Variants in KIR2DL3 observed in about 807,000 individuals in gnomAD.
KIR2DL3 encodes killer cell immunoglobulin like receptor, two Ig domains and long cytoplasmic tail 3.
A neutral mutation model predicts 33.8 loss-of-function variants in KIR2DL3; 39 were observed. The ratio of observed to expected loss-of-function variants is 1.15; its 90% confidence interval spans 0.89 to 1.51. KIR2DL3 has a LOEUF of 1.51. Ranked by LOEUF, KIR2DL3 falls within the 40% of genes most tolerant of loss-of-function variation. The probability of loss-of-function intolerance (pLI) is 0.00; values close to 1 mark genes in which losing one functional copy is unlikely to be tolerated. For synonymous variants in KIR2DL3, 174 were observed against 160.2 expected, an observed-to-expected ratio of 1.09 and a Z score of -0.65; for missense variants, 462 against 426.2, an observed-to-expected ratio of 1.08 and a Z score of -0.74.
chr19:54,744,897 T>TATATATATATATATATATATAC (rs1555906428), intron 4 of KIR2DL3, among the ~76,000 whole-genome samples: 6 of 57,484 alleles, frequency 1.0e-4, no homozygotes, highest in Admixed American at 2.0e-4. Flanking sequence ...TATATATATA[T>TATATATATATATATATATATAC]ACACACACAC....
In KIR2DL3 at chr19:54,747,311, C is replaced by T. The variant is rs748068644; in HGVS notation, c.665-24C>T. ...GAGGACAGACACCCTCATTTCCTCA[C>T]CTCTCTCCTGTCTCGTGTTCTAGGA... On this transcript the variant is annotated intron_variant, in intron 4 of 7. Coordinates refer to ENST00000342376, the MANE Select transcript of KIR2DL3 (RefSeq NM_015868.3). 3.1e-6 allele frequency: 5 copies of T among 1,610,048 alleles called. No individual in the cohort carries two copies. The East Asian group carries it at 8.9e-5, about 29-fold the overall frequency.
At position 54,752,674 on chromosome 19, in the gene KIR2DL3, C is replaced by T; in HGVS notation, c.*155C>T. 9.3e-7 allele frequency: 1 copy of T among 1,079,216 alleles called. No homozygotes were observed. The highest frequency in any genetic ancestry group is 1.4e-6 in the Non-Finnish European group (1 of 737,338). The allele number at this position is 1,079,216 out of a possible 1,614,324, so 66.9% of individuals were successfully genotyped here. A position where few individuals can be genotyped will look rare whatever the true frequency, so the allele number is the denominator to read the frequency against. On this transcript the variant is annotated 3_prime_UTR_variant, in exon 8 of 8. Transcript: ENST00000342376. ...GTCTGCATCTTAGGGCATCGCTCTT[C>T]CTCACACCACAAATCTGAACGTGCC...
intron 4 of KIR2DL3, among the ~76,000 whole-genome samples, chr19:54,744,527 A>C (rs2071894488): frequency 6.7e-6 from 1 of 149,830 alleles, no homozygotes. Flanking sequence ...TACCACCTTT[A>C]ACATTTTTTT....
At position 54,742,141 on chromosome 19, in the gene KIR2DL3, G is replaced by C. The variant is rs1239158106; in HGVS notation, c.232G>C (p.Asp78His). The stretch of plus-strand genomic sequence containing the variant: ...TTTGCACCTCATTGGAGAGCACCAT[G>C]ATGGGGTCTCCAAGGCCAACTTCTC... ...DTLHLIGEHHDGVSKANFSIG... is the reference protein window; with the variant it reads ...DTLHLIGEHHHGVSKANFSIG... The change falls in exon 3 of 8, where the codon GAT (aspartate) becomes CAT (histidine). Residue 78 changes from aspartate to histidine, a missense_variant. Transcript: ENST00000342376. 1.9e-6 allele frequency: 3 copies of C among 1,614,006 alleles called. No homozygotes were observed. Among genetic ancestry groups the C allele is most frequent in the Admixed American group, 1.7e-5 (1 of 59,998 alleles).
intron 4 of KIR2DL3, among the ~76,000 whole-genome samples, chr19:54,745,166 T>G (rs887178633): frequency 1.8e-3 from 274 of 151,918 alleles, no homozygotes; most frequent in African/African-American, 6.1e-3. Flanking sequence ...ACTGTGCGTA[T>G]GTACTACATT....
At chr19:54,742,752 G>A (rs1481720742) in intron 3 of KIR2DL3, among the ~76,000 whole-genome samples, 1 of 151,212 alleles carries the variant, frequency 6.6e-6, no homozygotes, top group East Asian at 1.9e-4. Context: ...GTAATGGAGA[G>A]TAATCGTCCC....
Position 54,750,130 on chromosome 19 carries a change from A to C in KIR2DL3, c.716-1519A>C, listed in dbSNP as rs2073186428. 1.5e-5 allele frequency among the ~76,000 whole-genome samples: 2 copies of C among 133,230 alleles called. 1 individual carries two copies. Among genetic ancestry groups the C allele is most frequent in the African/African-American group, 5.7e-5 (2 of 35,112 alleles). The allele number at this position is 133,230 out of a possible 152,430, so 87.4% of individuals were successfully genotyped here. On this transcript the variant is annotated intron_variant, in intron 5 of 7. Transcript: ENST00000342376. The stretch of plus-strand genomic sequence containing the variant: ...TCCTCCAGCACAGATCGTGGAATAG[A>C]GAAAGTGCTCTGTTCATCGCAACAA...
intron 3 of KIR2DL3, among the ~76,000 whole-genome samples, chr19:54,742,833 T>C (rs687236): frequency 4.9e-5 from 7 of 143,802 alleles, no homozygotes; most frequent in East Asian, 4.2e-4. Flanking sequence ...CTGGATTCTG[T>C]GGCTCACATT....
intron 1 of KIR2DL3, among the ~76,000 whole-genome samples, 185 bp from the exon 2 acceptor site, chr19:54,739,322 A>G (rs13344443): frequency 6.9e-6 from 1 of 144,282 alleles, no homozygotes; most frequent in African/African-American, 2.5e-5. Context: ...GGGTGGGGAT[A>G]TGGGCCTGGA....
chr19:54,747,101 A>G (rs934891529), intron 4 of KIR2DL3, among the ~76,000 whole-genome samples: 4 of 144,380 alleles, frequency 2.8e-5, no homozygotes, highest in African/African-American at 5.1e-5. Flanking sequence ...TGCTTACTAC[A>G]GCTCTGTAAC....
rs761681200 is a variant in KIR2DL3 at position 54,738,598 on chromosome 19, T to A, written c.34+19T>A. The A allele has an allele frequency of 5.0e-6, 8 of 1,613,986 alleles. No individual in the cohort carries two copies. The highest frequency in any genetic ancestry group is 6.8e-6 in the Non-Finnish European group (8 of 1,179,984). ...TGTGTTGGTGAGTCCTGGAAGGGCATCGAGGGAGGGAGTGCGGGGATGGAG... is the reference window on the plus strand; with the variant it reads ...TGTGTTGGTGAGTCCTGGAAGGGCAACGAGGGAGGGAGTGCGGGGATGGAG... On this transcript the variant is annotated intron_variant, in intron 1 of 7. Transcript: ENST00000342376.
At chr19:54,746,929 C>A (rs1192219505) in intron 4 of KIR2DL3, among the ~76,000 whole-genome samples, 1 of 147,700 alleles carries the variant, frequency 6.8e-6, no homozygotes, top group East Asian at 1.9e-4. Context: ...TGGCAGTGAA[C>A]CGAGATTGCA....
At chr19:54,751,443 A>G (rs1437555674) in intron 5 of KIR2DL3, among the ~76,000 whole-genome samples, 2 of 133,280 alleles carry the variant, frequency 1.5e-5, no homozygotes, top group Non-Finnish European at 3.3e-5. Flanking sequence ...AAACATCTCA[A>G]CTAAAGTAGT....
At chr19:54,744,948 ATATATATTTTTTTTTTTT>A (rs2072168753) in intron 4 of KIR2DL3, among the ~76,000 whole-genome samples, 2 of 26,238 alleles carry the variant, frequency 7.6e-5, no homozygotes, top group African/African-American at 2.6e-4. Context: ...ATATATATAT[ATATATATTTTTTTTTTTT>A]TTTTTTTTTT....
At chr19:54,749,358 T>G (rs1209736446) in intron 5 of KIR2DL3, among the ~76,000 whole-genome samples, 3,503 of 140,736 alleles carry the variant, frequency 0.025, 75 homozygotes, top group Middle Eastern at 0.066. Flanking sequence ...GAAAAGGCAA[T>G]TGCCACCCCA....
chr19:54,751,758 G>C lies in KIR2DL3; in HGVS notation c.820+5G>C, dbSNP rs894085291. 3.4e-6 allele frequency: 5 copies of C among 1,456,612 alleles called. 1 individual carries two copies. The African/African-American group carries it at 6.2e-5, about 18-fold the overall frequency. 90.2% of individuals were successfully genotyped at this position (1,456,612 alleles called of 1,614,324 possible). On this transcript the variant is annotated splice_donor_5th_base_variant and intron_variant, in intron 6 of 7. Coordinates refer to ENST00000342376, the MANE Select transcript of KIR2DL3 (RefSeq NM_015868.3). ...GCTGGTGCTGCAACAAAAAAAGTAAGTCTCACGAAGCAGAGGCCAGAGAGC... is the reference window on the plus strand; with the variant it reads ...GCTGGTGCTGCAACAAAAAAAGTAACTCTCACGAAGCAGAGGCCAGAGAGC...
rs536002039 is a variant in KIR2DL3 at position 54,748,405 on chromosome 19, A to G, written c.715+1020A>G. 4.2e-5 allele frequency among the ~76,000 whole-genome samples: 6 copies of G among 142,564 alleles called. No homozygotes were observed. The Admixed American group carries it at 4.4e-4, about 10-fold the overall frequency. 93.5% of individuals were successfully genotyped at this position (142,564 alleles called of 152,430 possible). The stretch of plus-strand genomic sequence containing the variant: ...TTCATTCCTCCTTTCCATGTAAAAT[A>G]ACATATTCACAAGCTATGGAGGCTA... On this transcript the variant is annotated intron_variant, in intron 5 of 7. Transcript: ENST00000342376.
At chr19:54,740,638 C>T (rs1314532225) in intron 2 of KIR2DL3, among the ~76,000 whole-genome samples, 7 of 151,570 alleles carry the variant, frequency 4.6e-5, no homozygotes, top group Admixed American at 4.0e-4. Context: ...GGTCCCATCA[C>T]GCAGGCCCTG....
At chr19:54,747,546 A>T (rs1396103779) in intron 5 of KIR2DL3, among the ~76,000 whole-genome samples, 161 bp downstream of exon 5, 1 of 152,138 alleles carries the variant, frequency 6.6e-6, no homozygotes, top group African/African-American at 2.4e-5. Flanking sequence ...TCTGGGCCCA[A>T]CCTAGGGCTC....
Sources: gnomAD v4.1 joint callset for allele counts (sites outside exome capture counted in the v4.1 genomes callset) on GRCh38, gnomAD v4.1.1 for gene constraint, MANE v1.5 for transcripts, NCBI Gene and HGNC (gene_info 2026-07-23, HGNC 2026-07-21) for gene names.